Variants in PRELP observed in about 807,000 individuals in gnomAD.
PRELP encodes proline and arginine rich end leucine rich repeat protein, also known as prolargin.
A neutral mutation model predicts 22.8 loss-of-function variants in PRELP; 16 were observed. The ratio of observed to expected loss-of-function variants is 0.70; its 90% CI spans 0.47 to 1.06. PRELP has a LOEUF of 1.06. Among genes scored for constraint, PRELP ranks in the 50% least tolerant of loss-of-function variants. The pLI is 0.00. For synonymous variants in PRELP, 233 were observed against 211.4 expected (o/e 1.10, Z -0.89); for missense variants, 434 against 485.2 (o/e 0.89, Z 0.99).
At position 203,487,123 on chromosome 1, in the gene PRELP, G is replaced by A. The variant is rs537233378; in HGVS notation, c.*242G>A. 6.3e-5 allele frequency: 29 copies of A among 460,244 alleles called. No homozygotes were observed. Among genetic ancestry groups the A allele is most frequent in the Non-Finnish European group, 8.5e-5 (22 of 259,342 alleles). The allele number at this position is 460,244 out of a possible 1,614,324, so 28.5% of individuals were successfully genotyped here. A position where few individuals can be genotyped will look rare whatever the true frequency, so the allele number is the denominator to read the frequency against. ...TGCACACCCAAACTCCTGGCCTTCT[G>A]TGGTTTCCCTTTGCTCCAGAAACAC... On this transcript the variant is annotated 3_prime_UTR_variant, in exon 3 of 3. Coordinates refer to ENST00000343110, the MANE Select transcript of PRELP (RefSeq NM_002725.4).
At chr1:203,480,205 A>T (rs1660976875) in intron 1 of PRELP, among the ~76,000 whole-genome samples, 1 of 152,232 alleles carries the variant, frequency 6.6e-6, no homozygotes, top group East Asian at 1.9e-4. Context: ...GCTTTTCCAG[A>T]ACTGATGGTG....
Position 203,483,332 on chromosome 1 carries a change from G to C in PRELP, c.148G>C (p.Asp50His), listed in dbSNP as rs1424103590. The C allele has an allele frequency of 6.2e-7, 1 of 1,614,012 alleles. No homozygotes were observed. Residue 50 changes from aspartate to histidine, a missense_variant, in exon 2 of 3, where the codon GAT becomes CAT. By Grantham distance (81) the Asp-to-His change is moderately conservative. Coordinates refer to ENST00000343110, the MANE Select transcript of PRELP (RefSeq NM_002725.4). The surrounding 1 kb of genome is among the most constrained non-coding windows in gnomAD (Gnocchi z 4.4). ...GCCCACACCCAGCTTTCCTCAGCCT[G>C]ATGAACCAGCAGAGCCAACAGACCT... ...PRPTPSFPQP[D>H]EPAEPTDLPP...
intron 2 of PRELP, 69 bp from the exon 3 acceptor site, chr1:203,486,637 C>G: frequency 1.4e-6 from 2 of 1,442,022 alleles, no homozygotes; most frequent in Non-Finnish European, 1.9e-6. Context: ...GGTGTCTTCC[C>G]CCTTCCCCTT....
chr1:203,480,184 G>A (rs1266435366), intron 1 of PRELP, among the ~76,000 whole-genome samples: 6 of 152,214 alleles, frequency 3.9e-5, no homozygotes, highest in South Asian at 2.1e-4. Flanking sequence ...TTTCTCTTCC[G>A]TGAAGCAGCA....
At chr1:203,476,839 T>A (rs904013371) in intron 1 of PRELP, among the ~76,000 whole-genome samples, 4 of 152,136 alleles carry the variant, frequency 2.6e-5, no homozygotes, top group African/African-American at 7.2e-5. Context: ...TTCATTTTTT[T>A]ATTTTTTTTT....
In PRELP at chr1:203,483,635, G is replaced by A. The variant is rs145563455; in HGVS notation, c.451G>A (p.Gly151Ser). The A allele has an allele frequency of 2.2e-4, 351 of 1,614,160 alleles. 2 individuals carry two copies. In the African/African-American group the frequency reaches 4.0e-3, roughly 18 times the overall value. The change falls in exon 2 of 3, where the codon GGC becomes AGC. Residue 151 changes from glycine to serine, a missense_variant. Transcript: ENST00000343110. The surrounding 1 kb of genome is among the most constrained non-coding windows in gnomAD (Gnocchi z 4.4). ...IDQRVLEKLPGLVFLYMEKNQ... is the reference protein window; with the variant it reads ...IDQRVLEKLPSLVFLYMEKNQ... ...CCAGAGGGTGCTGGAGAAACTGCCC[G>A]GCCTGGTGTTCCTCTACATGGAGAA...
At chr1:203,482,926 G>C (rs146894155) in intron 1 of PRELP, among the ~76,000 whole-genome samples, 3 of 151,952 alleles carry the variant, frequency 2.0e-5, no homozygotes, top group Non-Finnish European at 4.4e-5. Flanking sequence ...CATGTCCCCC[G>C]CCCTCTTCAG....
intron 1 of PRELP, among the ~76,000 whole-genome samples, chr1:203,478,391 C>A (rs554916816): frequency 6.6e-6 from 1 of 152,324 alleles, no homozygotes; most frequent in Non-Finnish European, 1.5e-5. Flanking sequence ...TCTTCCCCAC[C>A]GCTCAGAATG....
In PRELP at chr1:203,489,088, C is replaced by T. The variant is rs1340479866; in HGVS notation, c.*2207C>T. 1 of 152,650 alleles carries T rather than the reference C, an allele frequency of 6.6e-6. No individual in the cohort carries two copies. The highest frequency in any genetic ancestry group is 6.5e-5 in the Admixed American group (1 of 15,282). 9.5% of individuals were successfully genotyped at this position (152,650 alleles called of 1,614,324 possible). A position where few individuals can be genotyped will look rare whatever the true frequency, so the allele number is the denominator to read the frequency against. On this transcript the variant is annotated 3_prime_UTR_variant, in exon 3 of 3. Coordinates refer to ENST00000343110, the MANE Select transcript of PRELP (RefSeq NM_002725.4). The stretch of plus-strand genomic sequence containing the variant: ...CATTCTTTCTAGCTGCAGCTGGTTT[C>T]TTCAAGGCTCCTGCTTAAAGTCCAC...
rs1190748685 is a variant in PRELP, at chr1:203,486,922, G to T, written c.*41G>T. 1.3e-6 allele frequency: 2 copies of T among 1,551,282 alleles called. No individual in the cohort carries two copies. Among genetic ancestry groups the T allele is most frequent in the Non-Finnish European group, 1.8e-6 (2 of 1,140,136 alleles). ...CGGATCTGCTCTGACCGCACTTGAAGGCTGGGGCCCAGGCACCTGTGCCGG... is the reference window on the plus strand; with the variant it reads ...CGGATCTGCTCTGACCGCACTTGAATGCTGGGGCCCAGGCACCTGTGCCGG... On this transcript the variant is annotated 3_prime_UTR_variant, in exon 3 of 3. Transcript: ENST00000343110.
chr1:203,482,968 A>C (rs1661029727), intron 1 of PRELP, among the ~76,000 whole-genome samples: 1 of 152,070 alleles, frequency 6.6e-6, no homozygotes, highest in Admixed American at 6.5e-5. Context: ...GGCTAAGCCA[A>C]TGGCCAGGGA....
At chr1:203,478,567 A>G (rs2794447) in intron 1 of PRELP, among the ~76,000 whole-genome samples, 3,784 of 152,288 alleles carry the variant, frequency 0.025, 148 homozygotes, top group African/African-American at 0.086. Context: ...TGCTAACTGC[A>G]CTTGCTTCTG....
intron 2 of PRELP, among the ~76,000 whole-genome samples, chr1:203,486,111 T>C (rs934890457): frequency 2.6e-5 from 4 of 152,230 alleles, no homozygotes; most frequent in African/African-American, 4.8e-5. Context: ...ATTATCTTTG[T>C]ACAGCATAAA....
intron 1 of PRELP, among the ~76,000 whole-genome samples, chr1:203,480,821 G>C (rs1660987278): frequency 6.6e-6 from 1 of 152,216 alleles, no homozygotes; most frequent in South Asian, 2.1e-4. Context: ...AATGTAAACG[G>C]GTCAGAGGAC....
In PRELP at chr1:203,483,192, C is replaced by T. The variant is rs1571586190; in HGVS notation, c.8C>T (p.Ser3Leu). The T allele has an allele frequency of 6.5e-7, 1 of 1,539,534 alleles. No individual in the cohort carries two copies. Among genetic ancestry groups the T allele is most frequent in the Non-Finnish European group, 8.7e-7 (1 of 1,146,560 alleles). The change falls in exon 2 of 3, where the codon TCA becomes TTA. Residue 3 changes from serine (S) to leucine (L), a missense_variant. Ser to Leu is a moderately radical substitution (Grantham distance 145). Transcript: ENST00000343110. The surrounding 1 kb of genome is among the most constrained non-coding windows in gnomAD (Gnocchi z 4.4). MR[S>L]PLCWLLPLLI... ...AGGTGCATCACCTGGATCATGAGGT[C>T]ACCCCTCTGCTGGCTCCTCCCACTT...
intron 2 of PRELP, among the ~76,000 whole-genome samples, chr1:203,484,585 C>T (rs1278059773): frequency 6.6e-6 from 1 of 152,232 alleles, no homozygotes; most frequent in Non-Finnish European, 1.5e-5. Flanking sequence ...AATACCTATC[C>T]TGAAATGTCC....
rs1471721858 is a variant in PRELP, at chr1:203,483,832, C to T, written c.648C>T (p.Thr216=). ...GCGACGGCGTCTTCAAGCCCGACAC[C>T]TTCCATGGCCTCAAGAACCTCATGC... ...RLSDGVFKPD[T]FHGLKNLMQL... The change falls in exon 2 of 3, where the codon ACC becomes ACT. Residue 216 remains threonine (T), a synonymous_variant. Coordinates refer to ENST00000343110, the MANE Select transcript of PRELP (RefSeq NM_002725.4). The surrounding 1 kb of genome is among the most constrained non-coding windows in gnomAD (Gnocchi z 4.4). The T allele has an allele frequency of 1.9e-6, 3 of 1,614,034 alleles. No individual in the cohort carries two copies. The highest frequency in any genetic ancestry group is 2.7e-5 in the African/African-American group (2 of 74,938).
At position 203,487,000 on chromosome 1, in the gene PRELP, C is replaced by T. The variant is rs1661105522; in HGVS notation, c.*119C>T. Reference sequence around the variant, plus strand: ...TTCTCCCAGCTTTGCCTCCCTTATCCCACCCTCGAGGCAGGGAAAAGCCAT... The same window carrying T: ...TTCTCCCAGCTTTGCCTCCCTTATCTCACCCTCGAGGCAGGGAAAAGCCAT... On this transcript the variant is annotated 3_prime_UTR_variant, in exon 3 of 3. Transcript: ENST00000343110. 8.5e-7 allele frequency: 1 copy of T among 1,182,962 alleles called. No homozygotes were observed. The highest frequency in any genetic ancestry group is 1.2e-6 in the Non-Finnish European group (1 of 867,164). 73.3% of individuals were successfully genotyped at this position (1,182,962 alleles called of 1,614,324 possible).
At chr1:203,482,509 C>T (rs1661020365) in intron 1 of PRELP, among the ~76,000 whole-genome samples, 1 of 150,896 alleles carries the variant, frequency 6.6e-6, no homozygotes. Context: ...AACTCCTGAC[C>T]TGAAGTGATC....
Sources: allele counts gnomAD v4.1 joint callset (sites outside exome capture counted in the v4.1 genomes callset), GRCh38; gene constraint gnomAD v4.1.1; non-coding constraint Gnocchi (gnomAD v3.1); transcripts MANE v1.5; gene names NCBI Gene and HGNC (gene_info 2026-07-23, HGNC 2026-07-21).